The following TUB variants were observed in gnomAD, a reference collection of about 807,000 sequenced individuals.
The protein encoded by TUB is tubby protein homolog.
In TUB, 33 loss-of-function variants were observed where a neutral mutation model predicts 59.7. The ratio of observed to expected loss-of-function variants is 0.55; its 90% confidence interval spans 0.42 to 0.74. The LOEUF (loss-of-function observed/expected upper bound fraction) is 0.74, where lower values mean the gene tolerates loss of function less well. Among genes scored for constraint, TUB ranks in the 30% least tolerant of loss-of-function variants. TUB has a pLI of 0.00. For missense variants in TUB, 659 were observed against 672.0 expected (o/e 0.98, Z 0.21); for synonymous variants, 293 against 256.4 (o/e 1.14, Z -1.36).
At chr11:8,047,828 G>C (rs1397998488) in intron 2 of TUB, among the ~76,000 whole-genome samples, 1 of 152,188 alleles carries the variant, frequency 6.6e-6, no homozygotes, top group Non-Finnish European at 1.5e-5. Flanking sequence ...CAAAGAGCCT[G>C]ATGCATCACA....
At chr11:8,092,258 A>G (rs1448206396) in intron 3 of TUB, among the ~76,000 whole-genome samples, 1 of 152,170 alleles carries the variant, frequency 6.6e-6, no homozygotes, top group African/African-American at 2.4e-5. Flanking sequence ...CCTGGGTAAC[A>G]TAGTGAGACC....
chr11:8,099,075 G>A (rs755341353), intron 9 of TUB, among the ~76,000 whole-genome samples, 200 bp downstream of exon 9: 1 of 152,014 alleles, frequency 6.6e-6, no homozygotes, highest in South Asian at 2.1e-4. Flanking sequence ...CACCACAGCC[G>A]GCCATCTGCT....
chr11:8,089,542 G>T (rs1242960370), intron 1 of TUB, 68 bp from the exon 2 acceptor site: 2 of 1,587,166 alleles, frequency 1.3e-6, no homozygotes, highest in Non-Finnish European at 1.7e-6. Flanking sequence ...TATGCTGGGG[G>T]TGGGCTCTGG....
intron 1 of TUB, among the ~76,000 whole-genome samples, chr11:8,083,378 G>C (rs1049147907): frequency 2.0e-5 from 3 of 152,202 alleles, no homozygotes; most frequent in African/African-American, 7.2e-5. Context: ...GTTCTAGAAA[G>C]CTTCTCCCAG....
At chr11:8,039,402 G>A in intron 1 of TUB, 1 of 459,014 alleles carries the variant, frequency 2.2e-6, no homozygotes, top group Non-Finnish European at 3.8e-6. Flanking sequence ...TCATTCCCAT[G>A]GCTCAGGTCA....
intron 2 of TUB, among the ~76,000 whole-genome samples, chr11:8,047,776 G>A (rs1479860903): frequency 6.6e-6 from 1 of 152,206 alleles, no homozygotes; most frequent in African/African-American, 2.4e-5. Context: ...GGTCCTTGGG[G>A]TGGCTGGGCC....
At position 8,073,214 on chromosome 11, in the gene TUB, G is replaced by C. The variant is rs535496489; in HGVS notation, c.204-16396G>C. Among the ~76,000 whole-genome samples the C allele has an allele frequency of 1.9e-3, 296 of 152,270 alleles. 1 individual carries two copies. Among genetic ancestry groups the C allele is most frequent in the African/African-American group, 6.6e-3 (276 of 41,544 alleles). Reference sequence around the variant, plus strand: ...ATAGCACCACCTTTTTTGGGACTCTGCCTCCTCAGTGGTGGCTCTAGAGTC... The same window carrying C: ...ATAGCACCACCTTTTTTGGGACTCTCCCTCCTCAGTGGTGGCTCTAGAGTC... On this transcript the variant is annotated intron_variant, in intron 2 of 12. Coordinates refer to the TUB transcript ENST00000305253.
In TUB at chr11:8,085,567, G is replaced by C. The variant is rs77612851; in HGVS notation, c.38+4019G>C. Reference sequence around the variant, plus strand: ...GCACAGGGTTGCAGCCAGATGCCCTGGTGGCCTTTCCTCTCCTGACAGCCC... The same window carrying C: ...GCACAGGGTTGCAGCCAGATGCCCTCGTGGCCTTTCCTCTCCTGACAGCCC... On this transcript the variant is annotated intron_variant, in intron 1 of 11. Coordinates refer to ENST00000299506, the MANE Select transcript of TUB (RefSeq NM_177972.3). Among the ~76,000 whole-genome samples the C allele has an allele frequency of 6.4e-3, 978 of 152,358 alleles. 5 individuals are homozygous for C. The highest frequency in any genetic ancestry group is 9.4e-3 in the Non-Finnish European group (641 of 68,040).
At position 8,103,970 on chromosome 11, in the gene TUB, A is replaced by G. The variant is rs1157337125; in HGVS notation, c.*2351A>G. The G allele has an allele frequency of 6.6e-6, 1 of 152,236 alleles. No individual in the cohort carries two copies. Among genetic ancestry groups the G allele is most frequent in the Non-Finnish European group, 1.5e-5 (1 of 68,052 alleles). The allele number at this position is 152,236 out of a possible 1,614,324, so 9.4% of individuals were successfully genotyped here. A position where few individuals can be genotyped will look rare whatever the true frequency, so the allele number is the denominator to read the frequency against. Reference sequence around the variant, plus strand: ...TCAGGAAAGACAGGCTGAGCTTTCTAGCCTAAGTGTGGAGAAGGATAGCCT... The same window carrying G: ...TCAGGAAAGACAGGCTGAGCTTTCTGGCCTAAGTGTGGAGAAGGATAGCCT... On this transcript the variant is annotated 3_prime_UTR_variant, in exon 12 of 12. Coordinates refer to ENST00000299506, the MANE Select transcript of TUB (RefSeq NM_177972.3).
At chr11:8,077,076 C>T (rs1458948759), upstream of TUB, 3 of 152,192 alleles carry the variant, frequency 2.0e-5, no homozygotes, top group African/African-American at 7.2e-5. Context: ...GCACTTGACT[C>T]TGTTTTAGGG....
chr11:8,024,238 C>G (rs1281427436), intron 1 of TUB, among the ~76,000 whole-genome samples: 1 of 152,196 alleles, frequency 6.6e-6, no homozygotes, highest in African/African-American at 2.4e-5. Context: ...TCTAGCCCGG[C>G]GTGGATCAAT....
At chr11:8,097,074 G>A (rs1367045352) in intron 6 of TUB, among the ~76,000 whole-genome samples, 154 bp from the exon 7 acceptor site, 3 of 152,118 alleles carry the variant, frequency 2.0e-5, no homozygotes, top group African/African-American at 7.2e-5. Context: ...TGGGAAGATA[G>A]CTTCTGACCC....
intron 2 of TUB, among the ~76,000 whole-genome samples, chr11:8,061,355 G>C (rs1943122133): frequency 6.6e-6 from 1 of 152,194 alleles, no homozygotes; most frequent in South Asian, 2.1e-4. Context: ...ACCAGTGTGT[G>C]GGGGCGTGTG....
intron 2 of TUB, among the ~76,000 whole-genome samples, chr11:8,064,400 C>G (rs1178015304): frequency 6.6e-6 from 1 of 152,116 alleles, no homozygotes; most frequent in Non-Finnish European, 1.5e-5. Flanking sequence ...AAATTTGGGG[C>G]TTGTAGTACA....
intron 7 of TUB, 32 bp downstream of exon 7, chr11:8,097,457 G>C: frequency 6.2e-7 from 1 of 1,613,740 alleles, no homozygotes; most frequent in South Asian, 1.1e-5. Context: ...TATCATCTAG[G>C]CTTTACAGCC....
chr11:8,046,326 G>A (rs1564901410), intron 2 of TUB, among the ~76,000 whole-genome samples: 2 of 152,110 alleles, frequency 1.3e-5, no homozygotes, highest in Admixed American at 1.3e-4. Flanking sequence ...TTACTCCATT[G>A]TGACTGAAGG....
chr11:8,105,437 T>TTCAG lies in TUB; in HGVS notation c.*3822_*3825dup, dbSNP rs1241023527. 1 of 151,336 alleles carries TTCAG rather than the reference T, an allele frequency of 6.6e-6. No individual in the cohort carries two copies. Among genetic ancestry groups the TTCAG allele is most frequent in the Non-Finnish European group, 1.5e-5 (1 of 67,826 alleles). The allele number at this position is 151,336 out of a possible 1,614,324, so 9.4% of individuals were successfully genotyped here. A position where few individuals can be genotyped will look rare whatever the true frequency, so the allele number is the denominator to read the frequency against. On this transcript the variant is annotated 3_prime_UTR_variant, in exon 12 of 12. Coordinates refer to ENST00000299506, the MANE Select transcript of TUB (RefSeq NM_177972.3). Reference sequence around the variant, plus strand: ...TTTGAGTTTATGGCCACCTGGAATTTTCAGTCATCTCATGATACAGGCGGG... The same window carrying TTCAG: ...TTTGAGTTTATGGCCACCTGGAATTTTCAGTCAGTCATCTCATGATACAGGCGGG...
intron 2 of TUB, among the ~76,000 whole-genome samples, chr11:8,069,699 T>G (rs1300647945): frequency 6.6e-6 from 1 of 152,180 alleles, no homozygotes; most frequent in Non-Finnish European, 1.5e-5. Context: ...TTTTTTGCTG[T>G]TGTTTTTTTT....
At chr11:8,032,045 G>T (rs1254825089) in intron 1 of TUB, among the ~76,000 whole-genome samples, 1 of 152,232 alleles carries the variant, frequency 6.6e-6, no homozygotes, top group Non-Finnish European at 1.5e-5. Context: ...GAGACCCCCT[G>T]GGGTAAGGAA....
Sources: gnomAD v4.1 joint callset for allele counts (sites outside exome capture counted in the v4.1 genomes callset) on GRCh38, gnomAD v4.1.1 for gene constraint, MANE v1.5 for transcripts, NCBI Gene and HGNC (gene_info 2026-07-23, HGNC 2026-07-21) for gene names.